Variants in TENT4B observed in about 807,000 individuals in gnomAD.
TENT4B encodes the protein terminal nucleotidyltransferase 4B, also known as PAP associated domain containing 5.
In TENT4B, 10 loss-of-function variants were observed where a neutral mutation model predicts 75.0. That is an observed-to-expected ratio of 0.13 (90% confidence interval 0.08 to 0.23). The LOEUF (loss-of-function observed/expected upper bound fraction) is 0.23. Among genes scored for constraint, TENT4B ranks in the 10% least tolerant of loss-of-function variants. The pLI is 1.00. For synonymous variants in TENT4B, 350 were observed against 357.7 expected, an observed-to-expected ratio of 0.98 and a Z score of 0.24; for missense variants, 579 against 893.8, an observed-to-expected ratio of 0.65 and a Z score of 4.49.
chr16:50,168,701 T>A (rs6500295), intron 1 of TENT4B, among the ~76,000 whole-genome samples: 152,156 of 152,162 alleles, frequency 1, 76,075 homozygotes, highest in Non-Finnish European at 1. Context: ...GCTGGAATGC[T>A]GTGGCGTGAC....
intron 1 of TENT4B, among the ~76,000 whole-genome samples, chr16:50,171,517 T>C (rs2038206015): frequency 6.6e-6 from 1 of 152,342 alleles, no homozygotes; most frequent in Middle Eastern, 3.4e-3. Context: ...AATAAGGGCC[T>C]TGGTCTCCCA....
Position 50,231,175 on chromosome 16 carries a change from A to G in TENT4B, c.*1847A>G, listed in dbSNP as rs2032281999. On this transcript the variant is annotated 3_prime_UTR_variant, in exon 12 of 12. Transcript: ENST00000561678. ...CTCGTGTAAACTGTGGAAGATTTCAAATGTGATGTTATTTTGACAATGTTT... is the reference window on the plus strand; with the variant it reads ...CTCGTGTAAACTGTGGAAGATTTCAGATGTGATGTTATTTTGACAATGTTT... The G allele has an allele frequency of 1.0e-6, 1 of 985,462 alleles. No homozygotes were observed. The highest frequency in any genetic ancestry group is 1.7e-5 in the African/African-American group (1 of 57,360). 61.0% of individuals were successfully genotyped at this position (985,462 alleles called of 1,614,324 possible).
chr16:50,172,942 T>C (rs1326642754), intron 1 of TENT4B, among the ~76,000 whole-genome samples: 1 of 152,154 alleles, frequency 6.6e-6, no homozygotes, highest in Non-Finnish European at 1.5e-5. Flanking sequence ...CCTGGCTTGA[T>C]AGCTCTTTTC....
At chr16:50,200,133 A>C (rs2030540252) in intron 1 of TENT4B, among the ~76,000 whole-genome samples, 1 of 152,192 alleles carries the variant, frequency 6.6e-6, no homozygotes, top group Admixed American at 6.5e-5. Flanking sequence ...TGGGAGGCTG[A>C]GACAGGAGGA....
At chr16:50,201,759 C>G (rs779809774) in intron 1 of TENT4B, among the ~76,000 whole-genome samples, 5 of 150,924 alleles carry the variant, frequency 3.3e-5, no homozygotes, top group African/African-American at 9.8e-5. Flanking sequence ...ATGAGAATCA[C>G]TTGGACCCTG....
chr16:50,153,299 G>T (rs1450519838), upstream of TENT4B, among the ~76,000 whole-genome samples: 2 of 139,346 alleles, frequency 1.4e-5, no homozygotes, highest in Non-Finnish European at 3.1e-5. Context: ...CGCCGCCGCC[G>T]CTCGCTCTTC....
intron 1 of TENT4B, among the ~76,000 whole-genome samples, chr16:50,200,752 T>C (rs2030586599): frequency 6.6e-6 from 1 of 152,160 alleles, no homozygotes; most frequent in Admixed American, 6.5e-5. Flanking sequence ...ATGAGTTCTT[T>C]GTCTATTTTG....
At chr16:50,227,287 G>C (rs956227428) in intron 10 of TENT4B, among the ~76,000 whole-genome samples, 1 of 152,212 alleles carries the variant, frequency 6.6e-6, no homozygotes, top group Non-Finnish European at 1.5e-5. Context: ...ATGTGACTCT[G>C]ACATGCTGGG....
At chr16:50,171,324 C>G (rs181048219) in intron 1 of TENT4B, among the ~76,000 whole-genome samples, 4 of 152,208 alleles carry the variant, frequency 2.6e-5, no homozygotes, top group Non-Finnish European at 4.4e-5. Context: ...TCGCTTGAGC[C>G]TAGGAAGTTG....
At chr16:50,208,650 G>A (rs1412509221) in intron 1 of TENT4B, among the ~76,000 whole-genome samples, 1 of 152,288 alleles carries the variant, frequency 6.6e-6, no homozygotes, top group East Asian at 1.9e-4. Context: ...AGATGGAAGT[G>A]ACCCAGGGCA....
intron 1 of TENT4B, among the ~76,000 whole-genome samples, chr16:50,208,354 G>A (rs1436682939): frequency 6.6e-6 from 1 of 152,156 alleles, no homozygotes; most frequent in Non-Finnish European, 1.5e-5. Context: ...TAGAACCCTA[G>A]AATTGCAGCA....
At chr16:50,228,084 T>C (rs1419263744) in intron 11 of TENT4B, 81 bp downstream of exon 11, 5 of 1,504,218 alleles carry the variant, frequency 3.3e-6, no homozygotes, top group Non-Finnish European at 4.5e-6. Context: ...ATATGCAGCA[T>C]GGGTTTGAAG....
chr16:50,229,326 TAGTC>T lies in TENT4B; in HGVS notation c.*1_*4del, dbSNP rs772633819. The T allele has an allele frequency of 9.9e-6, 16 of 1,610,904 alleles. No homozygotes were observed. Among genetic ancestry groups the T allele is most frequent in the East Asian group, 2.2e-5 (1 of 44,868 alleles). On this transcript the variant is annotated stop_retained_variant and 3_prime_UTR_variant, in exon 12 of 12. Coordinates refer to ENST00000561678, the MANE Select transcript of TENT4B (RefSeq NM_001365324.3). ...CGCGCCCCTCTCAGACCTCTGTAGATAGTCAGCGCTGCGCGGTGGACTGTCTTCT... is the reference window on the plus strand; with the variant it reads ...CGCGCCCCTCTCAGACCTCTGTAGATAGCGCTGCGCGGTGGACTGTCTTCT...
rs925647657 is a variant in TENT4B, at chr16:50,197,638, C to T, written c.639-13685C>T. On this transcript the variant is annotated intron_variant, in intron 1 of 11. Coordinates refer to ENST00000561678, the MANE Select transcript of TENT4B (RefSeq NM_001365324.3). ...TTTGCAAATTGGGCAGCCTCCCGAG[C>T]CAGAGTAGGTTCAGAGACTCCAGCA... Among the ~76,000 whole-genome samples, 34 of 152,148 alleles carry T rather than the reference C, an allele frequency of 2.2e-4. 1 individual carries two copies. The South Asian group carries it at 7.0e-3, about 32-fold the overall frequency.
At chr16:50,190,243 T>C (rs1407685488) in intron 1 of TENT4B, among the ~76,000 whole-genome samples, 1 of 152,026 alleles carries the variant, frequency 6.6e-6, no homozygotes, top group Non-Finnish European at 1.5e-5. Flanking sequence ...ATCAGCTACA[T>C]GATATCTACT....
Position 50,230,657 on chromosome 16 carries a change from A to T in TENT4B, c.*1329A>T. On this transcript the variant is annotated 3_prime_UTR_variant, in exon 12 of 12. Transcript: ENST00000561678. Reference sequence around the variant, plus strand: ...TATCCTCTTCTTTCATGGAATTGTTATCGTTAATTAAAACTTTTTTAAACA... The same window carrying T: ...TATCCTCTTCTTTCATGGAATTGTTTTCGTTAATTAAAACTTTTTTAAACA... 2.0e-6 allele frequency: 2 copies of T among 985,538 alleles called. No individual in the cohort carries two copies. The highest frequency in any genetic ancestry group is 2.4e-6 in the Non-Finnish European group (2 of 829,746). The allele number at this position is 985,538 out of a possible 1,614,324, so 61.0% of individuals were successfully genotyped here. A position where few individuals can be genotyped will look rare whatever the true frequency, so the allele number is the denominator to read the frequency against.
intron 1 of TENT4B, among the ~76,000 whole-genome samples, chr16:50,178,360 G>A (rs2038349214): frequency 6.6e-6 from 1 of 151,592 alleles, no homozygotes; most frequent in South Asian, 2.1e-4. Flanking sequence ...TGGGAGGATT[G>A]CTTGAGCCCT....
chr16:50,153,192 G>GC (rs2037799916), upstream of TENT4B, among the ~76,000 whole-genome samples: 1 of 120,996 alleles, frequency 8.3e-6, no homozygotes, highest in Non-Finnish European at 1.8e-5. Flanking sequence ...GTGGGGGGGG[G>GC]GGGCGGAGCG....
At position 50,154,002 on chromosome 16, in the gene TENT4B, C is replaced by T. The variant is rs1338904601; in HGVS notation, c.381C>T (p.Ser127=). The change falls in exon 1 of 12, where the codon TCC becomes TCT. Residue 127 remains serine, a synonymous_variant. Transcript: ENST00000561678. ...GGGCCTGGGCCCGCCGGGCGGGCTC[C>T]TCGGCGTCCTCGCCTCCCTCGGCGT... ...QPGAWARRAG[S]SASSPPSASS... is the part of the protein sequence containing the mutation. 2.0e-6 allele frequency: 3 copies of T among 1,533,974 alleles called. No homozygotes were observed. The highest frequency in any genetic ancestry group is 2.4e-5 in the South Asian group (2 of 83,882).
Sources: allele counts gnomAD v4.1 joint callset (sites outside exome capture counted in the v4.1 genomes callset), GRCh38; gene constraint gnomAD v4.1.1; transcripts MANE v1.5; gene names NCBI Gene and HGNC (gene_info 2026-07-23, HGNC 2026-07-21).